Variants in COMMD1 observed in about 807,000 individuals in gnomAD.
COMMD1 encodes the protein COMM domain-containing protein 1.
A neutral mutation model predicts 17.2 loss-of-function variants in COMMD1; 10 were observed. The observed-to-expected ratio is 0.58, with a 90% CI of 0.36 to 0.99. The LOEUF (loss-of-function observed/expected upper bound fraction) is 0.99. COMMD1 is among the 50% of genes least tolerant of loss of function. The pLI, the probability that COMMD1 is intolerant of heterozygous loss-of-function variation, is 0.01. For synonymous variants in COMMD1, 97 were observed against 91.6 expected (o/e 1.06, Z -0.34); for missense variants, 270 against 231.8 (o/e 1.17, Z -1.07).
At chr2:61,936,455 T>C (rs1284561369) in intron 1 of COMMD1, among the ~76,000 whole-genome samples, 1 of 152,214 alleles carries the variant, frequency 6.6e-6, no homozygotes, top group Non-Finnish European at 1.5e-5. Flanking sequence ...TAGAGTTCAT[T>C]ATCAAAATAA....
At chr2:61,917,000 G>A (rs1362941522) in intron 1 of COMMD1, among the ~76,000 whole-genome samples, 1 of 152,014 alleles carries the variant, frequency 6.6e-6, no homozygotes, top group Admixed American at 6.6e-5. Flanking sequence ...ATTTGATCCT[G>A]CTTGCTAAAT....
chr2:62,127,984 T>G (rs1672927805), intron 2 of COMMD1, among the ~76,000 whole-genome samples: 1 of 140,120 alleles, frequency 7.1e-6, no homozygotes, highest in Admixed American at 7.6e-5. Flanking sequence ...ATTGTGCCAC[T>G]GCACTTCAGC....
chr2:62,017,971 G>A (rs1669501360), intron 2 of COMMD1, among the ~76,000 whole-genome samples: 1 of 150,976 alleles, frequency 6.6e-6, no homozygotes, highest in African/African-American at 2.4e-5. Flanking sequence ...TGGAGCCTGG[G>A]AGGGGAGATT....
rs1028479770 is a variant in COMMD1, at chr2:62,081,657, C to T, written c.463-54174C>T. Among the ~76,000 whole-genome samples the T allele has an allele frequency of 4.6e-5, 7 of 152,178 alleles. No individual in the cohort carries two copies. The South Asian group carries it at 1.0e-3, about 23-fold the overall frequency. The stretch of plus-strand genomic sequence containing the variant: ...TCATGTCTACTAGCTATCTAGATTT[C>T]CTCTTAGTAATTGCCTGTGCACATC... On this transcript the variant is annotated intron_variant, in intron 2 of 2. Transcript: ENST00000311832.
intron 1 of COMMD1, among the ~76,000 whole-genome samples, chr2:61,975,527 C>G (rs1261010498): frequency 6.6e-6 from 1 of 152,130 alleles, no homozygotes; most frequent in Non-Finnish European, 1.5e-5. Flanking sequence ...TTTTTGTCAA[C>G]ATTTGGTGTT....
chr2:62,115,283 AG>A (rs1672560768), intron 2 of COMMD1, among the ~76,000 whole-genome samples: 1 of 152,268 alleles, frequency 6.6e-6, no homozygotes, highest in South Asian at 2.1e-4. Flanking sequence ...GAGAGGAACT[AG>A]TCAATAGATT....
chr2:61,963,184 AT>A (rs1226676016), intron 1 of COMMD1, among the ~76,000 whole-genome samples: 1 of 133,404 alleles, frequency 7.5e-6, no homozygotes, highest in African/African-American at 3.2e-5. Flanking sequence ...ATATATATAT[AT>A]TATATACACA....
At chr2:62,000,244 C>A (rs1303269308) in intron 1 of COMMD1, among the ~76,000 whole-genome samples, 1 of 150,574 alleles carries the variant, frequency 6.6e-6, no homozygotes, top group Non-Finnish European at 1.5e-5. Flanking sequence ...CCCTTGATGA[C>A]CTTTTATTAA....
chr2:61,889,078 T>G (rs1047314904), intron 1 of COMMD1, among the ~76,000 whole-genome samples: 1 of 151,166 alleles, frequency 6.6e-6, no homozygotes, highest in African/African-American at 2.4e-5. Context: ...AATTTTTGTA[T>G]TTTTAGTAGA....
At chr2:61,957,785 C>A (rs1671236123) in intron 1 of COMMD1, among the ~76,000 whole-genome samples, 1 of 152,068 alleles carries the variant, frequency 6.6e-6, no homozygotes, top group Admixed American at 6.5e-5. Context: ...CTCTAATAAA[C>A]CAAACTCTTT....
chr2:62,113,146 A>G (rs1672499146), intron 2 of COMMD1, among the ~76,000 whole-genome samples: 2 of 151,880 alleles, frequency 1.3e-5, no homozygotes, highest in African/African-American at 4.8e-5. Context: ...GGAGTTCAAG[A>G]CTAGCCTGGG....
intron 1 of COMMD1, among the ~76,000 whole-genome samples, chr2:61,896,888 A>G (rs1669561101): frequency 6.8e-6 from 1 of 146,816 alleles, no homozygotes; most frequent in Admixed American, 7.0e-5. Flanking sequence ...CAGTGGCACC[A>G]TCTTGATCTC....
chr2:62,101,619 CTA>C (rs66732767), intron 2 of COMMD1, among the ~76,000 whole-genome samples: 4 of 150,490 alleles, frequency 2.7e-5, no homozygotes, highest in South Asian at 2.1e-4. Context: ...CTCTCTCTCT[CTA>C]TATATATATA....
chr2:62,070,880 AAT>A (rs1252458099), intron 2 of COMMD1, among the ~76,000 whole-genome samples: 3 of 152,100 alleles, frequency 2.0e-5, no homozygotes, highest in African/African-American at 4.8e-5. Flanking sequence ...AAATACAAAA[AAT>A]TAGCTGGGTG....
chr2:61,921,497 G>A (rs937573131), intron 1 of COMMD1, among the ~76,000 whole-genome samples: 6 of 152,052 alleles, frequency 3.9e-5, no homozygotes, highest in African/African-American at 1.4e-4. Context: ...AGGCTGGAGT[G>A]CAGTGGCACG....
chr2:61,989,214 T>G (rs530162877), intron 1 of COMMD1, among the ~76,000 whole-genome samples: 20 of 152,196 alleles, frequency 1.3e-4, no homozygotes, highest in Non-Finnish European at 2.4e-4. Flanking sequence ...CATCTTGCTC[T>G]GCCTCCCAGG....
At chr2:61,990,913 C>CACACAA (rs1672234642) in intron 1 of COMMD1, among the ~76,000 whole-genome samples, 1 of 148,758 alleles carries the variant, frequency 6.7e-6, no homozygotes, top group African/African-American at 2.5e-5. Flanking sequence ...TACACACACA[C>CACACAA]ACACACACAC....
Position 62,082,130 on chromosome 2 carries a change from C to G in COMMD1, c.463-53701C>G, listed in dbSNP as rs535564714. Among the ~76,000 whole-genome samples, 4 of 152,192 alleles carry G rather than the reference C, an allele frequency of 2.6e-5. No individual in the cohort carries two copies. The East Asian group carries it at 7.7e-4, about 29-fold the overall frequency. On this transcript the variant is annotated intron_variant, in intron 2 of 2. Coordinates refer to ENST00000311832, the MANE Select transcript of COMMD1 (RefSeq NM_152516.4). ...GGAGGGTTAGGAATTAGATATAGGA[C>G]CTCTCTCACCTGAAAAGTGACCAAA...
chr2:62,103,122 G>A (rs1347498510), intron 2 of COMMD1, among the ~76,000 whole-genome samples: 2 of 152,110 alleles, frequency 1.3e-5, no homozygotes, highest in Non-Finnish European at 2.9e-5. Context: ...GGGACTACAG[G>A]TGCCTGCAAC....
Sources: gnomAD v4.1 joint callset for allele counts (sites outside exome capture counted in the v4.1 genomes callset) on GRCh38, gnomAD v4.1.1 for gene constraint, MANE v1.5 for transcripts, NCBI Gene and HGNC (gene_info 2026-07-23, HGNC 2026-07-21) for gene names.